The following EPB41L4A variants were observed in gnomAD, a reference collection of about 807,000 sequenced individuals.
The protein encoded by EPB41L4A is band 4.1-like protein 4A.
A neutral mutation model predicts 108.6 loss-of-function variants in EPB41L4A; 100 were observed. The observed-to-expected ratio is 0.92, with a 90% confidence interval of 0.78 to 1.09. The LOEUF is 1.09. Ranked by LOEUF, EPB41L4A falls within the 50% of genes least tolerant of loss-of-function variation. The pLI is 0.00. For missense variants in EPB41L4A, 1,030 were observed against 842.7 expected, an observed-to-expected ratio of 1.22 and a Z score of -2.75; for synonymous variants, 319 against 289.0, an observed-to-expected ratio of 1.10 and a Z score of -1.05.
intron 18 of EPB41L4A, among the ~76,000 whole-genome samples, chr5:112,174,757 C>A (rs1760775247): frequency 1.3e-5 from 2 of 152,182 alleles, no homozygotes; most frequent in South Asian, 4.1e-4. Flanking sequence ...AAAAATATGG[C>A]AGTATTTTAC....
intron 20 of EPB41L4A, 137 bp downstream of exon 20, chr5:112,170,164 T>C: frequency 1.3e-6 from 1 of 789,522 alleles, no homozygotes; most frequent in South Asian, 1.6e-5. Flanking sequence ...TTTCTTCCTC[T>C]TTCGCTACTG....
Position 112,298,126 on chromosome 5 carries a change from A to C in EPB41L4A, c.204+9260T>G, listed in dbSNP as rs183209156. On this transcript the variant is annotated intron_variant, in intron 2 of 22. Coordinates refer to ENST00000261486, the MANE Select transcript of EPB41L4A (RefSeq NM_022140.5). ...GCTACGCAGGCTCTTTTTTGGTTCC[A>C]TATGAACTGTAGGATTGTTTTTTCT... Among the ~76,000 whole-genome samples, 230 of 152,246 alleles carry C rather than the reference A, an allele frequency of 1.5e-3. 1 individual carries two copies. The South Asian group carries it at 0.021, about 14-fold the overall frequency.
At position 112,260,045 on chromosome 5, in the gene EPB41L4A, G is replaced by C. The variant is rs1751390976; in HGVS notation, c.643-66C>G. On this transcript the variant is annotated intron_variant, in intron 7 of 22. Transcript: ENST00000261486. ...AAAATCTCTTTGTCAAACTATAATTGACCATACAAATATAATTTGTTACAT... is the reference window on the plus strand; with the variant it reads ...AAAATCTCTTTGTCAAACTATAATTCACCATACAAATATAATTTGTTACAT... 4 of 1,168,204 alleles carry C rather than the reference G, an allele frequency of 3.4e-6. No homozygotes were observed. In the South Asian group the frequency reaches 5.1e-5, roughly 15 times the overall value. The allele number at this position is 1,168,204 out of a possible 1,614,324, so 72.4% of individuals were successfully genotyped here.
chr5:112,339,542 A>T (rs1829959), intron 1 of EPB41L4A, among the ~76,000 whole-genome samples: 28,220 of 110,238 alleles, frequency 0.26, 4,115 homozygotes, highest in African/African-American at 0.43. Flanking sequence ...ATATATATAT[A>T]TTTTTTTTTT....
intron 1 of EPB41L4A, among the ~76,000 whole-genome samples, chr5:112,415,875 T>C (rs991142811): frequency 6.6e-6 from 1 of 152,170 alleles, no homozygotes; most frequent in Non-Finnish European, 1.5e-5. Flanking sequence ...AATAAGACTT[T>C]CTGCTATCAA....
chr5:112,268,305 G>A (rs977739800), intron 4 of EPB41L4A, among the ~76,000 whole-genome samples: 1 of 152,110 alleles, frequency 6.6e-6, no homozygotes, highest in South Asian at 2.1e-4. Flanking sequence ...TTGAACCCAG[G>A]AGGCAGAGGT....
At chr5:112,317,444 G>A (rs1321800944) in intron 1 of EPB41L4A, among the ~76,000 whole-genome samples, 5 of 152,206 alleles carry the variant, frequency 3.3e-5, no homozygotes, top group African/African-American at 1.2e-4. Context: ...AAAGGGAAAA[G>A]GCAGAGACTC....
At chr5:112,302,577 A>C in intron 2 of EPB41L4A, among the ~76,000 whole-genome samples, 1 of 152,150 alleles carries the variant, frequency 6.6e-6, no homozygotes, top group East Asian at 1.9e-4. Context: ...TGGTACTATT[A>C]CTATCTTCAC....
intron 1 of EPB41L4A, among the ~76,000 whole-genome samples, chr5:112,404,767 G>C (rs998875806): frequency 6.6e-6 from 1 of 151,992 alleles, no homozygotes; most frequent in African/African-American, 2.4e-5. Context: ...ACCTCTTCAC[G>C]CCCTGCATCA....
At chr5:112,364,394 A>G (rs1182724980) in intron 1 of EPB41L4A, among the ~76,000 whole-genome samples, 2 of 152,218 alleles carry the variant, frequency 1.3e-5, no homozygotes, top group Non-Finnish European at 2.9e-5. Context: ...GAGTTACAAT[A>G]TTTAAATTTC....
At position 112,169,551 on chromosome 5, in the gene EPB41L4A, A is replaced by T. The variant is rs981512763; in HGVS notation, c.1740-446T>A. Among the ~76,000 whole-genome samples the T allele has an allele frequency of 4.0e-5, 6 of 150,958 alleles. No homozygotes were observed. In the East Asian group the frequency reaches 5.8e-4, roughly 15 times the overall value. On this transcript the variant is annotated intron_variant, in intron 20 of 22. Transcript: ENST00000261486. ...AGTAGATCTTAAGTGTTCTCTCCAT[A>T]AAAAAAAAGTATGTGAGGTGATAGA...
intron 1 of EPB41L4A, among the ~76,000 whole-genome samples, chr5:112,310,430 G>A (rs923394852): frequency 6.6e-6 from 1 of 152,164 alleles, no homozygotes; most frequent in African/African-American, 2.4e-5. Flanking sequence ...ATAACTAGTA[G>A]TTTTGAGAAC....
chr5:112,341,374 A>G (rs1028496953), intron 1 of EPB41L4A, among the ~76,000 whole-genome samples: 2 of 152,210 alleles, frequency 1.3e-5, no homozygotes, highest in Non-Finnish European at 2.9e-5. Flanking sequence ...ATAATTTTCC[A>G]AAAACATACT....
At chr5:112,289,707 G>C (rs1177566334) in intron 2 of EPB41L4A, among the ~76,000 whole-genome samples, 2 of 152,144 alleles carry the variant, frequency 1.3e-5, no homozygotes, top group East Asian at 3.9e-4. Flanking sequence ...ACATCAACCA[G>C]CACACACATG....
intron 1 of EPB41L4A, among the ~76,000 whole-genome samples, chr5:112,379,304 A>G (rs984227332): frequency 6.6e-6 from 1 of 152,228 alleles, no homozygotes; most frequent in Non-Finnish European, 1.5e-5. Context: ...TTTTCCCCAC[A>G]TAGGCTGAAC....
intron 2 of EPB41L4A, among the ~76,000 whole-genome samples, chr5:112,285,155 T>C (rs575291387): frequency 3.3e-5 from 5 of 152,316 alleles, no homozygotes; most frequent in African/African-American, 1.2e-4. Context: ...CAGAGTCCAA[T>C]GCTGACTCTC....
intron 1 of EPB41L4A, among the ~76,000 whole-genome samples, chr5:112,337,763 T>C (rs535146532): frequency 2.0e-5 from 3 of 152,222 alleles, no homozygotes; most frequent in East Asian, 3.9e-4. Flanking sequence ...AAAAAAGTAC[T>C]GGGGAAAAGG....
chr5:112,411,682 G>C (rs1762421228), intron 1 of EPB41L4A, among the ~76,000 whole-genome samples: 1 of 152,068 alleles, frequency 6.6e-6, no homozygotes, highest in Admixed American at 6.5e-5. Flanking sequence ...AGGCAGACAA[G>C]GATTTGATTG....
intron 15 of EPB41L4A, among the ~76,000 whole-genome samples, chr5:112,200,240 T>C (rs1256205368): frequency 3.3e-5 from 5 of 152,184 alleles, no homozygotes; most frequent in Admixed American, 2.6e-4. Flanking sequence ...TTTTAGCCTG[T>C]TTGTATCTCA....
Sources: gnomAD v4.1 joint callset for allele counts (sites outside exome capture counted in the v4.1 genomes callset) on GRCh38, gnomAD v4.1.1 for gene constraint, MANE v1.5 for transcripts, NCBI Gene and HGNC (gene_info 2026-07-23, HGNC 2026-07-21) for gene names.